The following KHDRBS2 variants were observed in gnomAD, a reference collection of about 807,000 sequenced individuals.
The protein encoded by KHDRBS2 is KH domain-containing, RNA-binding, signal transduction-associated protein 2.
In KHDRBS2, 26 loss-of-function variants were observed where a neutral mutation model predicts 44.3. That is an observed-to-expected ratio of 0.59 (90% CI 0.43 to 0.81). The LOEUF is 0.81. KHDRBS2 is among the 40% of genes least tolerant of loss of function. The pLI, the probability that KHDRBS2 is intolerant of heterozygous loss-of-function variation, is 0.00. For missense variants in KHDRBS2, 476 were observed against 433.1 expected (o/e 1.10, Z -0.88); for synonymous variants, 194 against 151.1 (o/e 1.28, Z -2.08).
intron 6 of KHDRBS2, among the ~76,000 whole-genome samples, chr6:61,799,569 T>C (rs1218944151): frequency 6.6e-6 from 1 of 152,040 alleles, no homozygotes; most frequent in Non-Finnish European, 1.5e-5. Context: ...TACTTTTCAG[T>C]TGTTTTCCTT....
chr6:62,107,476 C>A (rs530767160), intron 2 of KHDRBS2, among the ~76,000 whole-genome samples: 2 of 152,310 alleles, frequency 1.3e-5, no homozygotes, highest in South Asian at 4.1e-4. Flanking sequence ...ATTCCATGCT[C>A]ATGGGTAGGA....
intron 6 of KHDRBS2, among the ~76,000 whole-genome samples, chr6:61,839,633 G>T (rs1022594178): frequency 3.9e-5 from 6 of 152,074 alleles, no homozygotes; most frequent in Non-Finnish European, 8.8e-5. Context: ...AAATTGCAAT[G>T]ATTTGGGGGA....
the KHDRBS2 span, among the ~76,000 whole-genome samples, chr6:61,615,228 ATCTCC>A: frequency 4.1e-4 from 46 of 113,102 alleles, 1 homozygote; most frequent in Non-Finnish European, 8.3e-4. Context: ...GCAAGACTCC[ATCTCC>A]AAAAAAAAAA....
At chr6:61,569,401 G>T in the KHDRBS2 span, among the ~76,000 whole-genome samples, 1 of 152,260 alleles carries the variant, frequency 6.6e-6, no homozygotes, top group African/African-American at 2.4e-5. Flanking sequence ...GGAAAAATTA[G>T]AGCAAGCTTA....
Position 61,954,793 on chromosome 6 carries a change from CATAT to C in KHDRBS2, c.483+23269_483+23272del, listed in dbSNP as rs1455732915. On this transcript the variant is annotated intron_variant, in intron 4 of 8. Coordinates refer to ENST00000281156, the MANE Select transcript of KHDRBS2 (RefSeq NM_152688.4). ...ACATACATATGTGTATATACACATG[CATAT>C]GTATGTATACATACGCATGTGTATA... is the stretch of plus-strand genomic sequence containing the variant. Among the ~76,000 whole-genome samples the C allele has an allele frequency of 9.9e-5, 8 of 81,008 alleles. 1 individual carries two copies. Among genetic ancestry groups the C allele is most frequent in the Non-Finnish European group, 2.0e-4 (8 of 39,860 alleles). The allele number at this position is 81,008 out of a possible 152,430, so 53.1% of individuals were successfully genotyped here.
chr6:61,899,758 A>G (rs1267959755), intron 5 of KHDRBS2, among the ~76,000 whole-genome samples: 2 of 134,894 alleles, frequency 1.5e-5, no homozygotes, highest in African/African-American at 5.3e-5. Context: ...TTTAAGGCAT[A>G]CAAAATAGAA....
chr6:62,063,737 T>C (rs1375031466), intron 2 of KHDRBS2, among the ~76,000 whole-genome samples: 1 of 129,002 alleles, frequency 7.8e-6, no homozygotes, highest in Admixed American at 8.2e-5. Context: ...GGATGCCCTC[T>C]CTCACCACTC....
chr6:62,039,255 AACACACAC>A (rs142933011), intron 3 of KHDRBS2, among the ~76,000 whole-genome samples: 8 of 145,794 alleles, frequency 5.5e-5, no homozygotes, highest in African/African-American at 7.6e-5. Flanking sequence ...TACACAGGCA[AACACACAC>A]ACACACACAC....
rs146888029 is a variant in KHDRBS2, at chr6:61,735,659, G to T, written c.811-2895C>A. On this transcript the variant is annotated intron_variant, in intron 6 of 8. Coordinates refer to ENST00000281156, the MANE Select transcript of KHDRBS2 (RefSeq NM_152688.4). Reference sequence around the variant, plus strand: ...TGTTTTGTACACCATTCCACATTCTGCATTTGCCTGATTATTCTCATAATT... The same window carrying T: ...TGTTTTGTACACCATTCCACATTCTTCATTTGCCTGATTATTCTCATAATT... Among the ~76,000 whole-genome samples, 865 of 152,106 alleles carry T rather than the reference G, an allele frequency of 5.7e-3. 5 individuals carry two copies. The highest frequency in any genetic ancestry group is 7.6e-3 in the Non-Finnish European group (517 of 67,980).
At chr6:61,878,273 T>A (rs1449988539) in intron 6 of KHDRBS2, among the ~76,000 whole-genome samples, 2 of 151,988 alleles carry the variant, frequency 1.3e-5, no homozygotes, top group African/African-American at 4.8e-5. Context: ...CCTCCACTAA[T>A]AACCAACTTA....
At chr6:62,044,075 A>AT (rs1192367096) in intron 3 of KHDRBS2, among the ~76,000 whole-genome samples, 1 of 151,908 alleles carries the variant, frequency 6.6e-6, no homozygotes, top group African/African-American at 2.4e-5. Context: ...AATATTTTTG[A>AT]TTTTTTTCCC....
the KHDRBS2 span, among the ~76,000 whole-genome samples, chr6:61,580,968 T>C: frequency 6.6e-6 from 1 of 152,264 alleles, no homozygotes; most frequent in East Asian, 1.9e-4. Context: ...AATATAATAC[T>C]ATGAACTAAT....
the KHDRBS2 span, among the ~76,000 whole-genome samples, chr6:61,559,236 C>T: frequency 6.6e-6 from 1 of 152,040 alleles, no homozygotes; most frequent in Non-Finnish European, 1.5e-5. Context: ...TATAGAAACT[C>T]CTGCTCTTTC....
chr6:61,559,943 C>G, the KHDRBS2 span, among the ~76,000 whole-genome samples: 2 of 152,128 alleles, frequency 1.3e-5, no homozygotes, highest in African/African-American at 4.8e-5. Flanking sequence ...TGCTCATTAA[C>G]ATCCCTTTTT....
At chr6:62,048,372 T>C (rs916268657) in intron 2 of KHDRBS2, among the ~76,000 whole-genome samples, 11 of 151,954 alleles carry the variant, frequency 7.2e-5, no homozygotes, top group South Asian at 4.1e-4. Context: ...AAATAAGAGA[T>C]GATTTTAACG....
At chr6:61,685,813 T>C (rs1444537672) in intron 8 of KHDRBS2, among the ~76,000 whole-genome samples, 1 of 151,742 alleles carries the variant, frequency 6.6e-6, no homozygotes, top group African/African-American at 2.4e-5. Flanking sequence ...ACCAGGTACC[T>C]TGGGGAGCAT....
chr6:61,631,587 C>G, the KHDRBS2 span, among the ~76,000 whole-genome samples: 1 of 152,056 alleles, frequency 6.6e-6, no homozygotes, highest in Non-Finnish European at 1.5e-5. Flanking sequence ...TGAATGTCAA[C>G]CAGAGAATTC....
intron 6 of KHDRBS2, among the ~76,000 whole-genome samples, chr6:61,786,672 A>G (rs566067245): frequency 6.6e-6 from 1 of 152,070 alleles, no homozygotes; most frequent in East Asian, 1.9e-4. Flanking sequence ...TAATAATTCT[A>G]TATTGGTGGG....
intron 6 of KHDRBS2, among the ~76,000 whole-genome samples, chr6:61,784,676 C>T (rs184342087): frequency 6.6e-6 from 1 of 152,204 alleles, no homozygotes; most frequent in Non-Finnish European, 1.5e-5. Context: ...CATGAATTGA[C>T]AATATCTACT....
Sources: gnomAD v4.1 joint callset for allele counts (sites outside exome capture counted in the v4.1 genomes callset) on GRCh38, gnomAD v4.1.1 for gene constraint, MANE v1.5 for transcripts, NCBI Gene and HGNC (gene_info 2026-07-23, HGNC 2026-07-21) for gene names.